Variants in TNRC6A observed in about 807,000 individuals in gnomAD.
TNRC6A encodes the protein trinucleotide repeat-containing gene 6A protein.
A neutral mutation model predicts 221.2 loss-of-function variants in TNRC6A; 44 were observed. The ratio of observed to expected loss-of-function variants is 0.20; its 90% CI spans 0.16 to 0.26. The LOEUF (loss-of-function observed/expected upper bound fraction) is 0.26, where lower values mean the gene tolerates loss of function less well. TNRC6A is among the 10% of genes least tolerant of loss of function. The pLI is 1.00. For missense variants in TNRC6A, 2,199 were observed against 2,404.4 expected, an observed-to-expected ratio of 0.91 and a Z score of 1.79; for synonymous variants, 847 against 838.5, an observed-to-expected ratio of 1.01 and a Z score of -0.18.
At chr16:24,658,357 T>C (rs1480455932) in intron 2 of TNRC6A, among the ~76,000 whole-genome samples, 1 of 152,080 alleles carries the variant, frequency 6.6e-6, no homozygotes, top group Admixed American at 6.6e-5. Context: ...TGTTTCTTTG[T>C]GTTTGTTTGT....
chr16:24,704,005 G>A (rs779907094), intron 2 of TNRC6A, among the ~76,000 whole-genome samples: 3 of 151,088 alleles, frequency 2.0e-5, no homozygotes, highest in Non-Finnish European at 2.9e-5. Context: ...GATCACTTGA[G>A]CCCAGGAGGT....
In TNRC6A at chr16:24,730,238, GTTTTTT is replaced by G. The variant is rs759181766; in HGVS notation, c.6-13_6-8del. ...GTGTTTTTGTTTTGTTTTTGTTTTT[GTTTTTT>G]TGTTTCAGAGAATTGGAAGCTAAAG... On this transcript the variant is annotated splice_polypyrimidine_tract_variant and intron_variant, in intron 1 of 24. Transcript: ENST00000395799. 12 of 1,562,336 alleles carry G rather than the reference GTTTTTT, an allele frequency of 7.7e-6. No individual in the cohort carries two copies. In the Admixed American group the frequency reaches 2.0e-4, roughly 26 times the overall value.
chr16:24,743,787 A>G (rs1431721330), intron 2 of TNRC6A, among the ~76,000 whole-genome samples: 4 of 152,206 alleles, frequency 2.6e-5, no homozygotes, highest in Admixed American at 2.6e-4. Context: ...TACAGACATG[A>G]TACCCCTTTA....
intron 18 of TNRC6A, among the ~76,000 whole-genome samples, chr16:24,811,676 G>A (rs1042871516): frequency 2.0e-5 from 3 of 151,850 alleles, no homozygotes; most frequent in Non-Finnish European, 1.5e-5. Flanking sequence ...TTCGAATGAT[G>A]CCTCTGGGTG....
Position 24,653,797 on chromosome 16 carries a change from C to T in TNRC6A, n.402+12788C>T, listed in dbSNP as rs1169301653. 2.0e-5 allele frequency among the ~76,000 whole-genome samples: 3 copies of T among 151,786 alleles called. No homozygotes were observed. The East Asian group carries it at 5.8e-4, about 29-fold the overall frequency. On this transcript the variant is annotated intron_variant and non_coding_transcript_variant, in intron 2 of 2. Transcript: ENST00000566108. The stretch of plus-strand genomic sequence containing the variant: ...CTCTATCAAAAAAAAAAAAAAGAAG[C>T]CTAGTTAACGTGATAGGCATTACTT...
chr16:24,731,542 A>G (rs2056641974), intron 2 of TNRC6A, among the ~76,000 whole-genome samples: 1 of 152,194 alleles, frequency 6.6e-6, no homozygotes, highest in Non-Finnish European at 1.5e-5. Flanking sequence ...TTTGTGGTAT[A>G]TTTACATAAA....
intron 2 of TNRC6A, among the ~76,000 whole-genome samples, chr16:24,684,238 AAAAAT>A (rs1186288053): frequency 1.3e-5 from 2 of 151,866 alleles, no homozygotes; most frequent in East Asian, 3.9e-4. Flanking sequence ...AACTCTACAA[AAAAAT>A]AAAATAAACA....
chr16:24,750,876 C>G, intron 3 of TNRC6A, 63 bp downstream of exon 3: 1 of 1,314,198 alleles, frequency 7.6e-7, no homozygotes. Flanking sequence ...AAAAATTACT[C>G]TTACAGATTT....
chr16:24,790,346 C>T lies in TNRC6A; in HGVS notation c.1704C>T (p.Asn568=), dbSNP rs1233610878. The T allele has an allele frequency of 1.2e-6, 2 of 1,614,156 alleles. No homozygotes were observed. The highest frequency in any genetic ancestry group is 2.2e-5 in the South Asian group (2 of 91,078). The part of the protein sequence containing the change: ...PMGTNFQVNT[N]KGGGVWESGA... ...GCACTAACTTTCAAGTTAACACAAA[C>T]AAAGGAGGTGGTGTGTGGGAATCTG... The change falls in exon 6 of 25, where the codon AAC becomes AAT. Residue 568 remains asparagine, a synonymous_variant. Coordinates refer to ENST00000395799, the MANE Select transcript of TNRC6A (RefSeq NM_014494.4).
intron 13 of TNRC6A, 60 bp from the exon 14 acceptor site, chr16:24,804,954 G>A: frequency 6.2e-7 from 1 of 1,613,950 alleles, no homozygotes; most frequent in Non-Finnish European, 8.5e-7. Context: ...GTACAGTGTG[G>A]TAATGAGATG....
intron 2 of TNRC6A, among the ~76,000 whole-genome samples, chr16:24,671,812 C>T (rs1244303912): frequency 2.0e-5 from 3 of 152,056 alleles, no homozygotes; most frequent in African/African-American, 7.2e-5. Flanking sequence ...GACTTCAAGA[C>T]CAGCCTGGGC....
intron 8 of TNRC6A, among the ~76,000 whole-genome samples, chr16:24,795,038 T>G (rs2058190103): frequency 6.6e-6 from 1 of 152,116 alleles, no homozygotes; most frequent in African/African-American, 2.4e-5. Flanking sequence ...TGTTGACTCT[T>G]TCCATCCCAC....
At chr16:24,730,222 T>TTTTGTA in intron 1 of TNRC6A, 31 bp from the exon 2 acceptor site, 3 of 1,572,236 alleles carry the variant, frequency 1.9e-6, no homozygotes, top group Non-Finnish European at 2.6e-6. Flanking sequence ...TGTGTTTTTG[T>TTTTGTA]TTTGTTTTTG....
chr16:24,637,287 T>C (rs1901684959), intron 1 of TNRC6A, among the ~76,000 whole-genome samples: 1 of 152,108 alleles, frequency 6.6e-6, no homozygotes, highest in South Asian at 2.1e-4. Flanking sequence ...CCCATCCCAG[T>C]CTCCCAAAGT....
At chr16:24,677,255 C>T (rs62027072) in intron 2 of TNRC6A, among the ~76,000 whole-genome samples, 26,745 of 151,440 alleles carry the variant, frequency 0.18, 2,834 homozygotes, top group South Asian at 0.26. Flanking sequence ...CTCCACCTCC[C>T]GCGTTCAAGT....
intron 2 of TNRC6A, among the ~76,000 whole-genome samples, chr16:24,702,736 T>TA (rs1296982866): frequency 1.3e-5 from 2 of 151,812 alleles, no homozygotes; most frequent in South Asian, 4.2e-4. Context: ...ATGCTAACTC[T>TA]AAAAAAATAA....
chr16:24,821,931 C>A, intron 22 of TNRC6A, 146 bp from the exon 23 acceptor site: 1 of 737,456 alleles, frequency 1.4e-6, no homozygotes, highest in Non-Finnish European at 2.3e-6. Context: ...CTAGGGCGAG[C>A]TGAAATTCTG....
At chr16:24,705,009 A>G (rs879334667) in intron 2 of TNRC6A, among the ~76,000 whole-genome samples, 2 of 152,106 alleles carry the variant, frequency 1.3e-5, no homozygotes, top group Admixed American at 1.3e-4. Flanking sequence ...ATTTTTTTTA[A>G]TTTTTAAAAA....
At chr16:24,783,912 A>T (rs994369993) in intron 5 of TNRC6A, among the ~76,000 whole-genome samples, 2 of 152,182 alleles carry the variant, frequency 1.3e-5, no homozygotes, top group African/African-American at 4.8e-5. Flanking sequence ...ACTCTGAAAC[A>T]TATTAGTTAT....
Sources: allele counts gnomAD v4.1 joint callset (sites outside exome capture counted in the v4.1 genomes callset), GRCh38; gene constraint gnomAD v4.1.1; transcripts MANE v1.5; gene names NCBI Gene and HGNC (gene_info 2026-07-23, HGNC 2026-07-21).